ANKRD36: variants seen among roughly 807,000 people sequenced by gnomAD.
ANKRD36 encodes the protein ankyrin repeat domain-containing protein 36A.
A neutral mutation model predicts 278.1 loss-of-function variants in ANKRD36; 179 were observed. The observed-to-expected ratio is 0.64, with a 90% confidence interval of 0.57 to 0.73. ANKRD36 has a LOEUF of 0.73. ANKRD36 is among the 30% of genes least tolerant of loss of function. The probability of loss-of-function intolerance (pLI) is 0.00; values close to 1 mark genes in which losing one functional copy is unlikely to be tolerated. For synonymous variants in ANKRD36, 320 were observed against 641.1 expected, an observed-to-expected ratio of 0.50 and a Z score of 7.57; for missense variants, 1,159 against 1,956.7, an observed-to-expected ratio of 0.59 and a Z score of 7.69.
At chr2:97,176,753 G>C (rs2054374585) in intron 22 of ANKRD36, among the ~76,000 whole-genome samples, 1 of 151,714 alleles carries the variant, frequency 6.6e-6, no homozygotes, top group South Asian at 2.1e-4. Flanking sequence ...TGATTTTGCA[G>C]AGTCTGGTAC....
chr2:97,163,565 G>A (rs549444830), intron 18 of ANKRD36: 48 of 246,036 alleles, frequency 2.0e-4, no homozygotes, highest in African/African-American at 9.9e-4. Flanking sequence ...CAGCAGAAGC[G>A]AATGATACAT....
At chr2:97,242,337 A>G (rs1234419672) in intron 69 of ANKRD36, among the ~76,000 whole-genome samples, 1 of 152,026 alleles carries the variant, frequency 6.6e-6, no homozygotes, top group Non-Finnish European at 1.5e-5. Context: ...TATGCAGGGA[A>G]TGAAAAGTAA....
At chr2:97,201,989 G>C (rs2061503115) in intron 46 of ANKRD36, among the ~76,000 whole-genome samples, 1 of 151,858 alleles carries the variant, frequency 6.6e-6, no homozygotes, top group Admixed American at 6.6e-5. Flanking sequence ...ATCATACCAT[G>C]TTTGAAATTG....
intron 52 of ANKRD36, among the ~76,000 whole-genome samples, chr2:97,206,440 A>G (rs2062868407): frequency 6.6e-6 from 1 of 151,442 alleles, no homozygotes; most frequent in African/African-American, 2.4e-5. Context: ...GTTTTCACTA[A>G]GGGTGGAAGG....
At chr2:97,165,870 T>C (rs1328121641) in intron 20 of ANKRD36, among the ~76,000 whole-genome samples, 29 of 148,824 alleles carry the variant, frequency 1.9e-4, no homozygotes, top group African/African-American at 7.1e-4. Flanking sequence ...GGATCTAGCC[T>C]TGTCTTATTT....
intron 10 of ANKRD36, 142 bp from the exon 11 acceptor site, chr2:97,146,344 C>T (rs2153456582): frequency 3.5e-6 from 2 of 573,612 alleles, no homozygotes; most frequent in South Asian, 6.6e-5. Flanking sequence ...TCTGAAATGC[C>T]TGGGCTTCTC....
chr2:97,126,191 G>T (rs2038595932), intron 5 of ANKRD36, among the ~76,000 whole-genome samples: 1 of 135,376 alleles, frequency 7.4e-6, no homozygotes, highest in Non-Finnish European at 1.6e-5. Context: ...ATGTCAACTT[G>T]CATCTACTTC....
intron 37 of ANKRD36, 32 bp from the exon 38 acceptor site, chr2:97,192,949 T>TTTCTC: frequency 1.9e-6 from 3 of 1,587,440 alleles, no homozygotes; most frequent in Non-Finnish European, 2.6e-6. Context: ...CATACTTTAT[T>TTTCTC]AATTTATTAT....
chr2:97,205,880 T>G, intron 50 of ANKRD36, 60 bp from the exon 51 acceptor site: 1 of 1,500,720 alleles, frequency 6.7e-7, no homozygotes, highest in South Asian at 1.2e-5. Flanking sequence ...TCTGCTTGAA[T>G]GTATGGATAT....
chr2:97,176,677 G>C (rs560759454), intron 22 of ANKRD36, among the ~76,000 whole-genome samples: 1 of 150,846 alleles, frequency 6.6e-6, no homozygotes, highest in African/African-American at 2.4e-5. Context: ...TACGATGTTA[G>C]CTGGTTATTT....
chr2:97,144,917 A>G (rs981525321), intron 10 of ANKRD36, among the ~76,000 whole-genome samples: 1 of 152,012 alleles, frequency 6.6e-6, no homozygotes. Flanking sequence ...ACTTCCCTAC[A>G]TTGAAATTGG....
chr2:97,211,635 ATT>A (rs2064647480), intron 57 of ANKRD36, 32 bp from the exon 58 acceptor site: 1 of 1,592,784 alleles, frequency 6.3e-7, no homozygotes, highest in East Asian at 2.4e-5. Context: ...AATATACTTT[ATT>A]TATTGACTGT....
intron 67 of ANKRD36, among the ~76,000 whole-genome samples, chr2:97,226,314 A>G (rs1454112783): frequency 2.0e-5 from 3 of 152,054 alleles, no homozygotes; most frequent in Non-Finnish European, 4.4e-5. Flanking sequence ...AATGATTGCC[A>G]TCCTAACTGG....
At position 97,190,743 on chromosome 2, in the gene ANKRD36, A is replaced by G. The variant is rs60193423; in HGVS notation, c.2246-235A>G. Among the ~76,000 whole-genome samples, 1,010 of 151,718 alleles carry G rather than the reference A, an allele frequency of 6.7e-3. 59 individuals carry two copies. In the East Asian group the frequency reaches 0.11, roughly 17 times the overall value. ...TGACACGGTTTTATTTTAGTTTTCG[A>G]CATATGACGAATCATACCATGTTTG... On this transcript the variant is annotated intron_variant, in intron 34 of 75. Transcript: ENST00000420699.
chr2:97,123,957 T>TATATATATA (rs1553540707), intron 4 of ANKRD36, among the ~76,000 whole-genome samples: 18 of 141,806 alleles, frequency 1.3e-4, no homozygotes, highest in African/African-American at 4.1e-4. Context: ...TCCTCCATAT[T>TATATATATA]TATATATATA....
intron 15 of ANKRD36, among the ~76,000 whole-genome samples, chr2:97,155,805 G>A (rs1378205578): frequency 6.8e-6 from 1 of 146,426 alleles, no homozygotes; most frequent in African/African-American, 2.4e-5. Flanking sequence ...AAACCTATTT[G>A]TATGTATCTT....
intron 32 of ANKRD36, 93 bp downstream of exon 32, chr2:97,187,494 G>GCTC: frequency 2.1e-5 from 2 of 95,518 alleles, no homozygotes; most frequent in Non-Finnish European, 4.3e-5. Flanking sequence ...GGGTGGGGGG[G>GCTC]CTCGCCGAAG....
At chr2:97,203,969 CA>C (rs773716361) in intron 48 of ANKRD36, 98 bp from the exon 49 acceptor site, 5 of 1,500,372 alleles carry the variant, frequency 3.3e-6, no homozygotes. Context: ...TACGCTAATA[CA>C]GGCAGGAGGA....
chr2:97,195,607 T>G (rs1405125316), intron 40 of ANKRD36, among the ~76,000 whole-genome samples: 1 of 152,024 alleles, frequency 6.6e-6, no homozygotes, highest in African/African-American at 2.4e-5. Flanking sequence ...ATACATATTT[T>G]GTTGATTTTA....
Sources: gnomAD v4.1 joint callset for allele counts (sites outside exome capture counted in the v4.1 genomes callset) on GRCh38, gnomAD v4.1.1 for gene constraint, MANE v1.5 for transcripts, NCBI Gene and HGNC (gene_info 2026-07-23, HGNC 2026-07-21) for gene names.